The following IMMP2L variants were observed in gnomAD, a reference collection of about 807,000 sequenced individuals.
The protein encoded by IMMP2L is inner mitochondrial membrane peptidase subunit 2, also known as mitochondrial inner membrane protease subunit 2.
In IMMP2L, 18 loss-of-function variants were observed where a neutral mutation model predicts 19.3. The observed-to-expected ratio is 0.93, with a 90% CI of 0.64 to 1.38. The LOEUF is 1.38. Among genes scored for constraint, IMMP2L ranks in the 40% most tolerant of loss-of-function variants. The probability of loss-of-function intolerance (pLI) is 0.00; values close to 1 mark genes in which losing one functional copy is unlikely to be tolerated. For missense variants in IMMP2L, 233 were observed against 218.2 expected, an observed-to-expected ratio of 1.07 and a Z score of -0.43; for synonymous variants, 76 against 73.0, an observed-to-expected ratio of 1.04 and a Z score of -0.21.
chr7:111,155,732 T>C (rs1202312615), intron 3 of IMMP2L, among the ~76,000 whole-genome samples: 1 of 152,092 alleles, frequency 6.6e-6, no homozygotes, highest in Non-Finnish European at 1.5e-5. Flanking sequence ...AAATAATATA[T>C]ACTTTTAAAA....
intron 3 of IMMP2L, among the ~76,000 whole-genome samples, chr7:111,469,636 T>C (rs28838056): frequency 0.02 from 3,083 of 152,230 alleles, 106 homozygotes; most frequent in African/African-American, 0.07. Context: ...GGATTCCTTA[T>C]TTAATAAATG....
intron 3 of IMMP2L, among the ~76,000 whole-genome samples, chr7:111,189,604 T>TA (rs535981532): frequency 9.9e-5 from 15 of 152,108 alleles, no homozygotes; most frequent in Non-Finnish European, 2.1e-4. Flanking sequence ...TCCTAAACTC[T>TA]ACAAATACTG....
chr7:111,336,046 T>A (rs2130729775), intron 3 of IMMP2L, among the ~76,000 whole-genome samples: 1 of 152,074 alleles, frequency 6.6e-6, no homozygotes, highest in East Asian at 1.9e-4. Flanking sequence ...CTTAATTTCA[T>A]CTTAAGTTTT....
At chr7:111,560,792 T>C (rs1199167319) in intron 1 of IMMP2L, among the ~76,000 whole-genome samples, 1 of 152,202 alleles carries the variant, frequency 6.6e-6, no homozygotes, top group Non-Finnish European at 1.5e-5. Context: ...GAATTAGCTA[T>C]TGAATCAATG....
chr7:111,220,832 T>C (rs902342551), intron 3 of IMMP2L, among the ~76,000 whole-genome samples: 20 of 151,936 alleles, frequency 1.3e-4, no homozygotes, highest in Non-Finnish European at 1.5e-5. Context: ...TCTGAAGGCC[T>C]GAGAACCAGG....
chr7:111,120,989 T>C (rs1800535660), intron 3 of IMMP2L, among the ~76,000 whole-genome samples: 1 of 152,060 alleles, frequency 6.6e-6, no homozygotes, highest in Non-Finnish European at 1.5e-5. Context: ...TTTTCCTTTT[T>C]TCCCTATAAC....
chr7:111,072,826 C>T (rs929181007), intron 3 of IMMP2L, among the ~76,000 whole-genome samples: 2 of 149,158 alleles, frequency 1.3e-5, no homozygotes, highest in Non-Finnish European at 3.0e-5. Context: ...ACCCAGGAGG[C>T]GGAGCAGCGG....
Position 110,727,516 on chromosome 7 carries a change from T to C in IMMP2L, c.409-63795A>G, listed in dbSNP as rs1422798232. Among the ~76,000 whole-genome samples the C allele has an allele frequency of 6.6e-6, 1 of 152,120 alleles. No individual in the cohort carries two copies. Among genetic ancestry groups the C allele is most frequent in the Non-Finnish European group, 1.5e-5 (1 of 68,016 alleles). ...TCCTATCACTGTTTCCTCCTCTCCCTCCCAGTGCTCCAAACCAGTAAGAGT... is the reference window on the plus strand; with the variant it reads ...TCCTATCACTGTTTCCTCCTCTCCCCCCCAGTGCTCCAAACCAGTAAGAGT... On this transcript the variant is annotated intron_variant, in intron 5 of 5. Coordinates refer to ENST00000405709, the MANE Select transcript of IMMP2L (RefSeq NM_032549.4). The surrounding 1 kb of genome is among the most constrained non-coding windows in gnomAD (Gnocchi z 4.3).
chr7:111,401,666 T>C (rs1478372907), intron 3 of IMMP2L, among the ~76,000 whole-genome samples: 1 of 152,116 alleles, frequency 6.6e-6, no homozygotes, highest in African/African-American at 2.4e-5. Context: ...TCTTTAAATA[T>C]TCACGAAGTC....
At chr7:111,235,600 T>C (rs1422130006) in intron 3 of IMMP2L, among the ~76,000 whole-genome samples, 1 of 152,154 alleles carries the variant, frequency 6.6e-6, no homozygotes, top group Non-Finnish European at 1.5e-5. Flanking sequence ...CTGTACCTGA[T>C]ACGTCTCTTT....
intron 3 of IMMP2L, among the ~76,000 whole-genome samples, chr7:111,108,202 T>C (rs745477998): frequency 2.6e-5 from 4 of 152,178 alleles, no homozygotes; most frequent in Non-Finnish European, 5.9e-5. Flanking sequence ...GCAACAAGCA[T>C]GGTCTGGCCT....
chr7:111,065,915 C>T (rs61038072), intron 3 of IMMP2L, among the ~76,000 whole-genome samples: 32 of 66,710 alleles, frequency 4.8e-4, no homozygotes, highest in Admixed American at 2.2e-3. Context: ...TGTGTGTGTG[C>T]GCGCGCGTGT....
At chr7:110,822,052 GGT>G (rs1803082803) in intron 5 of IMMP2L, among the ~76,000 whole-genome samples, 2 of 152,068 alleles carry the variant, frequency 1.3e-5, no homozygotes, top group South Asian at 4.1e-4. Context: ...CTCCAACCCA[GGT>G]GTGTCTCCTG....
At chr7:111,471,376 C>T (rs895547703) in intron 3 of IMMP2L, among the ~76,000 whole-genome samples, 6 of 151,996 alleles carry the variant, frequency 3.9e-5, no homozygotes, top group Non-Finnish European at 7.4e-5. Flanking sequence ...TTAAAGCTGA[C>T]TCTAAAGTCT....
chr7:111,446,080 C>G (rs1329243199), intron 3 of IMMP2L, among the ~76,000 whole-genome samples: 1 of 151,962 alleles, frequency 6.6e-6, no homozygotes, highest in Non-Finnish European at 1.5e-5. Flanking sequence ...TCGCTGATTG[C>G]TAGCACAGCA....
At position 110,727,825 on chromosome 7, in the gene IMMP2L, T is replaced by A. The variant is rs974048034; in HGVS notation, c.409-64104A>T. Among the ~76,000 whole-genome samples the A allele has an allele frequency of 6.6e-6, 1 of 152,224 alleles. No individual in the cohort carries two copies. The highest frequency in any genetic ancestry group is 1.5e-5 in the Non-Finnish European group (1 of 68,036). ...CTTATATCAAGGCGTAAGAAAAGAA[T>A]TGCTTCACCGAGTGGATTTAAACAG... On this transcript the variant is annotated intron_variant, in intron 5 of 5. Transcript: ENST00000405709. This position sits in a 1 kb window ranked among gnomAD's most constrained non-coding sequence, Gnocchi z 4.3.
chr7:110,884,321 A>T (rs1809992653), intron 5 of IMMP2L, among the ~76,000 whole-genome samples: 1 of 152,072 alleles, frequency 6.6e-6, no homozygotes, highest in Non-Finnish European at 1.5e-5. Context: ...AGAAATGCTT[A>T]GAAAATATTC....
In IMMP2L at chr7:110,755,935, C is replaced by T. The variant is rs558110358; in HGVS notation, c.409-92214G>A. Among the ~76,000 whole-genome samples, 66 of 152,006 alleles carry T rather than the reference C, an allele frequency of 4.3e-4. 1 individual carries two copies. Among genetic ancestry groups the T allele is most frequent in the Middle Eastern group, 3.2e-3 (1 of 316 alleles). ...AATATCTGGAAGTATTCTATATTGC[C>T]ATTTTAAAGGAGGTCATTCATGCTA... is the stretch of plus-strand genomic sequence containing the variant. On this transcript the variant is annotated intron_variant, in intron 5 of 5. Transcript: ENST00000405709.
chr7:111,515,532 AT>A (rs1459030932), intron 2 of IMMP2L, among the ~76,000 whole-genome samples: 1 of 152,142 alleles, frequency 6.6e-6, no homozygotes, highest in African/African-American at 2.4e-5. Context: ...ACTGACTTTA[AT>A]GTATACTTAC....
Sources: gnomAD v4.1 joint callset for allele counts (sites outside exome capture counted in the v4.1 genomes callset) on GRCh38, gnomAD v4.1.1 for gene constraint, Gnocchi (gnomAD v3.1) non-coding constraint, MANE v1.5 for transcripts, NCBI Gene and HGNC (gene_info 2026-07-23, HGNC 2026-07-21) for gene names.